GSTT4: variants seen among roughly 807,000 people sequenced by gnomAD.
GSTT4 encodes glutathione S-transferase theta-4.
At chr22:23,994,371 C>T (rs1286242093), downstream of GSTT4, among the ~76,000 whole-genome samples, 1 of 151,608 alleles carries the variant, frequency 6.6e-6, no homozygotes, top group Non-Finnish European at 1.5e-5. Context: ...TCATTTTCAT[C>T]ACCCAAAAAG....
chr22:23,998,983 G>A (rs1302395110), intron 4 of GSTT4, among the ~76,000 whole-genome samples: 2 of 152,378 alleles, frequency 1.3e-5, no homozygotes, highest in Non-Finnish European at 2.9e-5. Flanking sequence ...ACCATGCTGA[G>A]AGGGCTCCTG....
chr22:23,996,106 G>A (rs2034112867), downstream of GSTT4, among the ~76,000 whole-genome samples: 1 of 152,014 alleles, frequency 6.6e-6, no homozygotes, highest in African/African-American at 2.4e-5. Flanking sequence ...ACCACGCCCG[G>A]CTAATTTTTG....
downstream of GSTT4, among the ~76,000 whole-genome samples, chr22:23,995,428 A>T (rs1486447281): frequency 6.6e-6 from 1 of 152,190 alleles, no homozygotes; most frequent in East Asian, 1.9e-4. Context: ...ATTTAATGCT[A>T]CCTAATAATT....
At chr22:24,003,278 C>G (rs2034276630) in intron 2 of GSTT4, among the ~76,000 whole-genome samples, 1 of 77,714 alleles carries the variant, frequency 1.3e-5, no homozygotes, top group South Asian at 5.4e-4. Flanking sequence ...ACGACGCAGT[C>G]TTGGCTCACT....
the GSTT4 span, among the ~76,000 whole-genome samples, chr22:23,990,991 C>G: frequency 1.3e-5 from 1 of 79,974 alleles, no homozygotes; most frequent in African/African-American, 3.8e-5. Context: ...GGAAACACAG[C>G]AAGACCTCCT....
downstream of GSTT4, among the ~76,000 whole-genome samples, chr22:23,997,429 C>T (rs1815543403): frequency 6.6e-6 from 1 of 151,988 alleles, no homozygotes; most frequent in African/African-American, 2.4e-5. Flanking sequence ...CATTGTGTTA[C>T]CCAGGCTGTT....
downstream of GSTT4, among the ~76,000 whole-genome samples, chr22:23,993,458 C>T (rs1410929504): frequency 6.6e-6 from 1 of 152,194 alleles, no homozygotes; most frequent in African/African-American, 2.4e-5. Context: ...CCCAGACCTA[C>T]TGAATCAGAC....
rs186385874 is a variant in GSTT4 at position 24,000,541 on chromosome 22, T to A, written c.352-290A>T. Among the ~76,000 whole-genome samples the A allele has an allele frequency of 6.9e-4, 89 of 129,628 alleles. 10 individuals are homozygous for A. Among genetic ancestry groups the A allele is most frequent in the Non-Finnish European group, 5.2e-4 (34 of 65,290 alleles). 85.0% of individuals were successfully genotyped at this position (129,628 alleles called of 152,430 possible). A position where few individuals can be genotyped will look rare whatever the true frequency, so the allele number is the denominator to read the frequency against. On this transcript the variant is annotated intron_variant, in intron 3 of 4. Transcript: ENST00000621179. The stretch of plus-strand genomic sequence containing the variant: ...ACTGGTTATTTGTCATCTTCTAATT[T>A]TCTATAGGCCATACTCTTTTTTGTT...
At chr22:23,993,296 C>T in the GSTT4 span, among the ~76,000 whole-genome samples, 1 of 152,198 alleles carries the variant, frequency 6.6e-6, no homozygotes, top group Non-Finnish European at 1.5e-5. Flanking sequence ...GTTCTAGCCT[C>T]AAGAGACCCT....
the GSTT4 span, among the ~76,000 whole-genome samples, chr22:23,992,782 C>CG: frequency 6.9e-6 from 1 of 145,206 alleles, no homozygotes; most frequent in South Asian, 2.2e-4. Flanking sequence ...CTCTACTATT[C>CG]TTTTTTTTTT....
the GSTT4 span, among the ~76,000 whole-genome samples, chr22:23,992,855 G>A: frequency 1.4e-5 from 2 of 146,678 alleles, no homozygotes; most frequent in African/African-American, 5.0e-5. Flanking sequence ...TTAGCTTACT[G>A]CAGCCTCGAC....
chr22:23,998,867 G>C (rs2034164846), intron 4 of GSTT4, 128 bp from the exon 5 acceptor site: 1 of 153,134 alleles, frequency 6.5e-6, no homozygotes, highest in Non-Finnish European at 1.5e-5. Context: ...GACCCCCAAG[G>C]CCTGAGCAAG....
intron 2 of GSTT4, among the ~76,000 whole-genome samples, chr22:24,002,278 G>C (rs1333648227): frequency 4.6e-5 from 7 of 152,262 alleles, no homozygotes; most frequent in African/African-American, 1.7e-4. Context: ...TGGACAATGA[G>C]GGGGCCAGCA....
At chr22:23,996,063 C>T (rs1408974117), downstream of GSTT4, among the ~76,000 whole-genome samples, 1 of 152,054 alleles carries the variant, frequency 6.6e-6, no homozygotes, top group Non-Finnish European at 1.5e-5. Context: ...CCTGCCTTTG[C>T]CTCCTGAGTA....
At chr22:23,997,875 A>G (rs1468147613), downstream of GSTT4, among the ~76,000 whole-genome samples, 1 of 152,018 alleles carries the variant, frequency 6.6e-6, no homozygotes, top group East Asian at 1.9e-4. Flanking sequence ...TTTCATTTTT[A>G]TTTGTTCAGG....
At chr22:23,997,242 AG>A (rs1204825501), downstream of GSTT4, among the ~76,000 whole-genome samples, 1 of 151,560 alleles carries the variant, frequency 6.6e-6, no homozygotes, top group Non-Finnish European at 1.5e-5. Flanking sequence ...TTTTGAGATA[AG>A]GTTCTTCTAT....
At chr22:23,998,788 AC>A (rs1241468197) in intron 4 of GSTT4, 49 bp from the exon 5 acceptor site, 3 of 154,874 alleles carry the variant, frequency 1.9e-5, no homozygotes. Flanking sequence ...GACCAGCCCC[AC>A]CTGGGTCCTC....
chr22:24,003,141 T>C (rs1266913405), intron 2 of GSTT4, among the ~76,000 whole-genome samples: 1 of 151,752 alleles, frequency 6.6e-6, no homozygotes, highest in Non-Finnish European at 1.5e-5. Flanking sequence ...AGCCTGTTGC[T>C]TTTTTTTTGT....
chr22:23,998,007 A>T (rs2146224126), downstream of GSTT4, among the ~76,000 whole-genome samples: 1 of 152,324 alleles, frequency 6.6e-6, no homozygotes, highest in Admixed American at 6.5e-5. Flanking sequence ...TTTTAACTTT[A>T]TTCCACTGTG....
Sources: gnomAD v4.1 joint callset for allele counts (sites outside exome capture counted in the v4.1 genomes callset) on GRCh38, gnomAD v4.1.1 for gene constraint, MANE v1.5 for transcripts, NCBI Gene and HGNC (gene_info 2026-07-23, HGNC 2026-07-21) for gene names.